The following ACTR3C variants were observed in gnomAD, a reference collection of about 807,000 sequenced individuals.
ACTR3C encodes the protein actin-related protein 3C.
In ACTR3C, 18 loss-of-function variants were observed where a neutral mutation model predicts 26.3. The observed-to-expected ratio is 0.68, with a 90% CI of 0.47 to 1.01. The LOEUF (loss-of-function observed/expected upper bound fraction) is 1.01. Among genes scored for constraint, ACTR3C ranks in the 50% least tolerant of loss-of-function variants. The pLI is 0.00. For missense variants in ACTR3C, 184 were observed against 250.7 expected, an observed-to-expected ratio of 0.73 and a Z score of 1.80; for synonymous variants, 55 against 94.5, an observed-to-expected ratio of 0.58 and a Z score of 2.42.
the ACTR3C span, among the ~76,000 whole-genome samples, chr7:149,923,785 G>GTGATCCTCGA: frequency 6.6e-6 from 1 of 152,000 alleles, no homozygotes; most frequent in South Asian, 2.1e-4. Flanking sequence ...ATCACCTGAG[G>GTGATCCTCGA]TCACGAGTTC....
chr7:150,232,749 G>C, the ACTR3C span, among the ~76,000 whole-genome samples: 1 of 149,134 alleles, frequency 6.7e-6, no homozygotes, highest in South Asian at 2.1e-4. Context: ...CTTGAACCCA[G>C]GAGGAGGAGC....
At chr7:150,147,368 A>G in the ACTR3C span, among the ~76,000 whole-genome samples, 2 of 152,210 alleles carry the variant, frequency 1.3e-5, no homozygotes, top group Admixed American at 1.3e-4. Context: ...GCCAAAAATT[A>G]TAAGCAAAAA....
the ACTR3C span, among the ~76,000 whole-genome samples, chr7:150,134,076 C>T: frequency 1.3e-5 from 2 of 152,162 alleles, no homozygotes; most frequent in Non-Finnish European, 2.9e-5. Context: ...TGAGGCTTGT[C>T]ATTTTGTTCC....
chr7:150,194,341 CA>C, the ACTR3C span, among the ~76,000 whole-genome samples: 1 of 145,936 alleles, frequency 6.9e-6, no homozygotes, highest in African/African-American at 2.5e-5. Flanking sequence ...GAAAAATTAT[CA>C]GAGGCAAAAG....
the ACTR3C span, among the ~76,000 whole-genome samples, chr7:149,975,599 A>G: frequency 2.0e-5 from 3 of 152,122 alleles, no homozygotes; most frequent in Non-Finnish European, 2.9e-5. Context: ...AGTGGAGAAT[A>G]TTACCGGATT....
At chr7:149,992,206 C>A in the ACTR3C span, among the ~76,000 whole-genome samples, 2 of 152,262 alleles carry the variant, frequency 1.3e-5, no homozygotes, top group African/African-American at 4.8e-5. Context: ...CGAAGGGTCC[C>A]TGAGAAAATA....
chr7:150,112,174 GC>G, the ACTR3C span, among the ~76,000 whole-genome samples: 1 of 151,140 alleles, frequency 6.6e-6, no homozygotes. Context: ...CTTTCTCCGG[GC>G]CCCGCTCTGA....
At chr7:150,317,208 C>T (rs1303573310) in intron 1 of ACTR3C, among the ~76,000 whole-genome samples, 1 of 151,900 alleles carries the variant, frequency 6.6e-6, no homozygotes, top group Non-Finnish European at 1.5e-5. Flanking sequence ...TGCAGCATGC[C>T]CGGCTAATTT....
chr7:149,918,041 C>T, the ACTR3C span, among the ~76,000 whole-genome samples: 1 of 152,216 alleles, frequency 6.6e-6, no homozygotes, highest in East Asian at 1.9e-4. Context: ...TGTTCCTTGG[C>T]TTGCTGCATA....
chr7:150,301,570 T>A (rs1795440462), intron 1 of ACTR3C, among the ~76,000 whole-genome samples: 1 of 152,134 alleles, frequency 6.6e-6, no homozygotes, highest in African/African-American at 2.4e-5. Flanking sequence ...GGCAAAAAAT[T>A]AACTGAGTAA....
the ACTR3C span, among the ~76,000 whole-genome samples, chr7:150,010,441 T>C: frequency 6.6e-6 from 1 of 152,112 alleles, no homozygotes; most frequent in African/African-American, 2.4e-5. Context: ...AATATACAAG[T>C]AGGCTCTACT....
rs1000776278 is a variant in ACTR3C, at chr7:150,289,483, A to G, written c.264T>C (p.Pro88=). 1.3e-6 allele frequency: 2 copies of G among 1,590,076 alleles called. No homozygotes were observed. The highest frequency in any genetic ancestry group is 8.5e-7 in the Non-Finnish European group (1 of 1,169,736). ...LLREREVGIP[P]EQSLETAKAI... is the part of the protein sequence containing the mutation. ...CTTTTGCGGTCTCCAGTGACTGCTCAGGAGGGATTCCCACCTCCCTCTCCC... is the reference window on the plus strand; with the variant it reads ...CTTTTGCGGTCTCCAGTGACTGCTCGGGAGGGATTCCCACCTCCCTCTCCC... Residue 88 remains proline, a synonymous_variant, in exon 4 of 8, where the codon CCT becomes CCC. Transcript: ENST00000683684.
At chr7:150,164,058 TAGA>T in the ACTR3C span, among the ~76,000 whole-genome samples, 783 of 152,202 alleles carry the variant, frequency 5.1e-3, 4 homozygotes, top group African/African-American at 0.018. Context: ...GCTGGCATCA[TAGA>T]AGAACATTGG....
At chr7:150,050,318 T>C in the ACTR3C span, among the ~76,000 whole-genome samples, 1 of 152,236 alleles carries the variant, frequency 6.6e-6, no homozygotes, top group Admixed American at 6.5e-5. Flanking sequence ...CAGAATAGTT[T>C]ATGTATCATA....
At chr7:150,306,674 C>T (rs1349905653) in intron 1 of ACTR3C, among the ~76,000 whole-genome samples, 3 of 152,132 alleles carry the variant, frequency 2.0e-5, no homozygotes, top group South Asian at 2.1e-4. Context: ...CAGCGAGACC[C>T]GGTTTGGAGA....
chr7:150,071,239 T>C, the ACTR3C span, among the ~76,000 whole-genome samples: 1 of 151,938 alleles, frequency 6.6e-6, no homozygotes, highest in Admixed American at 6.6e-5. Context: ...TTCTCCTGCC[T>C]CAGCCTCCCA....
the ACTR3C span, among the ~76,000 whole-genome samples, chr7:150,237,313 T>C: frequency 1.3e-5 from 2 of 152,210 alleles, no homozygotes; most frequent in Admixed American, 1.3e-4. Flanking sequence ...GCACCTACGT[T>C]GGCTGCCTGA....
chr7:149,993,422 C>A, the ACTR3C span, among the ~76,000 whole-genome samples: 4 of 152,162 alleles, frequency 2.6e-5, no homozygotes, highest in African/African-American at 9.7e-5. Flanking sequence ...CAATGAGGCC[C>A]TCGCTTAGAG....
the ACTR3C span, among the ~76,000 whole-genome samples, chr7:149,935,727 A>G: frequency 6.7e-6 from 1 of 148,662 alleles, no homozygotes; most frequent in African/African-American, 2.5e-5. Context: ...TAAACATAAC[A>G]CCAAAAGCAA....
Sources: allele counts gnomAD v4.1 joint callset (sites outside exome capture counted in the v4.1 genomes callset), GRCh38; gene constraint gnomAD v4.1.1; transcripts MANE v1.5; gene names NCBI Gene and HGNC (gene_info 2026-07-23, HGNC 2026-07-21).